The following TPM4 variants were observed in gnomAD, a reference collection of about 807,000 sequenced individuals.
TPM4 encodes tropomyosin 4, also known as tropomyosin alpha-4 chain.
Under a neutral mutation model 35.8 loss-of-function variants are expected in TPM4, and 17 were observed. The observed-to-expected ratio is 0.47, with a 90% CI of 0.32 to 0.71. TPM4 has a LOEUF of 0.71. Among genes scored for constraint, TPM4 ranks in the 30% least tolerant of loss-of-function variants. TPM4 has a pLI of 0.03. For missense variants in TPM4, 240 were observed against 320.9 expected (o/e 0.75, Z 1.93); for synonymous variants, 120 against 122.9 (o/e 0.98, Z 0.15).
chr19:16,076,985 C>T, intron 1 of TPM4: 1 of 428,356 alleles, frequency 2.3e-6, no homozygotes. Context: ...GAGCGATCTC[C>T]GGGTGGAGAA....
intron 2 of TPM4, among the ~76,000 whole-genome samples, chr19:16,083,588 T>G (rs1455026956): frequency 6.7e-6 from 1 of 150,208 alleles, no homozygotes; most frequent in Non-Finnish European, 1.5e-5. Context: ...GGGTAGATTG[T>G]GTAATTCACA....
rs745576298 is a variant in TPM4 at position 16,093,684 on chromosome 19, G to T, written c.595G>T (p.Ala199Ser). 6.2e-7 allele frequency: 1 copy of T among 1,614,182 alleles called. No homozygotes were observed. Among genetic ancestry groups the T allele is most frequent in the South Asian group, 1.1e-5 (1 of 91,082 alleles). ...IKLLSDKLKE[A>S]ETRAEFAERT... ...TAGTAACTCCTTTCTTCTTATCTAG[G>T]CTGAGACCCGTGCTGAATTTGCAGA... Residue 199 changes from alanine (A) to serine (S), a missense_variant and splice_region_variant, in exon 7 of 8, where the codon GCT becomes TCT. Ala to Ser is a moderately conservative substitution (Grantham distance 99, BLOSUM62 1). Transcript: ENST00000643579.
rs1398658647 is a variant in TPM4, at chr19:16,076,646, C to G, written c.81C>G (p.Arg27=). ...LQQQADEAED[R]AQGLQRELDG... ...AGCAGGCGGACGAGGCGGAAGACCG[C>G]GCGCAGGGCCTGCAGCGGGAGCTGG... The change falls in exon 1 of 8, where the codon CGC becomes CGG. Residue 27 remains arginine, a synonymous_variant. Coordinates refer to ENST00000643579, the MANE Select transcript of TPM4 (RefSeq NM_003290.3). 1.4e-6 allele frequency: 2 copies of G among 1,447,004 alleles called. No homozygotes were observed. Among genetic ancestry groups the G allele is most frequent in the Non-Finnish European group, 1.8e-6 (2 of 1,104,594 alleles). 89.6% of individuals were successfully genotyped at this position (1,447,004 alleles called of 1,614,324 possible).
At chr19:16,073,825 C>G (rs1568298041), upstream of TPM4, among the ~76,000 whole-genome samples, 1 of 151,610 alleles carries the variant, frequency 6.6e-6, no homozygotes, top group Non-Finnish European at 1.5e-5. Context: ...TTCACACTTT[C>G]CAGCTACTCA....
At chr19:16,086,703 T>C (rs2090558678) in intron 3 of TPM4, among the ~76,000 whole-genome samples, 163 bp downstream of exon 3, 1 of 152,136 alleles carries the variant, frequency 6.6e-6, no homozygotes, top group African/African-American at 2.4e-5. Flanking sequence ...GCTAGGAAAC[T>C]ATCTCCCACG....
At chr19:16,090,286 AT>A (rs558468300) in intron 5 of TPM4, among the ~76,000 whole-genome samples, 2,408 of 126,804 alleles carry the variant, frequency 0.019, 32 homozygotes, top group African/African-American at 0.047. Flanking sequence ...CCAAAACTGT[AT>A]TTTTTTTTTT....
intron 7 of TPM4, among the ~76,000 whole-genome samples, chr19:16,094,963 G>A (rs2090676434): frequency 6.6e-6 from 1 of 152,088 alleles, no homozygotes; most frequent in African/African-American, 2.4e-5. Flanking sequence ...TTGGAAATCC[G>A]AAATAAACTG....
chr19:16,098,630 G>C (rs981305464), intron 7 of TPM4, among the ~76,000 whole-genome samples: 9 of 151,940 alleles, frequency 5.9e-5, no homozygotes, highest in Admixed American at 1.3e-4. Flanking sequence ...AGCGAAGTCA[G>C]GATTTGTAGT....
In TPM4 at chr19:16,067,602, GT is replaced by G. The variant is rs749702767; in HGVS notation, c.-22del. 4 of 1,607,938 alleles carry G rather than the reference GT, an allele frequency of 2.5e-6. No homozygotes were observed. Among genetic ancestry groups the G allele is most frequent in the Middle Eastern group, 1.7e-4 (1 of 5,982 alleles). On this transcript the variant is annotated 5_prime_UTR_variant, in exon 2 of 3. Coordinates refer to the TPM4 transcript ENST00000589897. The surrounding 1 kb of genome is among the most constrained non-coding windows in gnomAD (Gnocchi z 4.1). ...CCACAGAGCCCGCCGCGCACCCCAC[GT>G]CCCCCACGCCAGCGCCCAGCCATGG...
At chr19:16,091,678 G>A (rs1156290194) in intron 5 of TPM4, among the ~76,000 whole-genome samples, 1 of 152,064 alleles carries the variant, frequency 6.6e-6, no homozygotes. Flanking sequence ...GGGAGGCTGA[G>A]GTGAGAGGAT....
rs181426301 is a variant in TPM4 at position 16,102,341 on chromosome 19, G to T, written c.*995G>T. On this transcript the variant is annotated 3_prime_UTR_variant, in exon 8 of 8. Transcript: ENST00000643579. ...TCGACAGAGTGAGACTCCATCTCAA[G>T]AAAAAATAAAAATAAAGTTGTTCTC... The T allele has an allele frequency of 4.2e-3, 863 of 203,082 alleles. 4 individuals are homozygous for T. Among genetic ancestry groups the T allele is most frequent in the Non-Finnish European group, 7.0e-3 (694 of 98,702 alleles). The allele number at this position is 203,082 out of a possible 1,614,324, so 12.6% of individuals were successfully genotyped here.
chr19:16,080,187 G>A (rs2090466276), intron 1 of TPM4: 1 of 199,216 alleles, frequency 5.0e-6, no homozygotes, highest in Admixed American at 6.0e-5. Flanking sequence ...GGACCTAGGG[G>A]ACAGGTTCTG....
At chr19:16,095,260 C>T in intron 7 of TPM4, 2 of 1,022,290 alleles carry the variant, frequency 2.0e-6, no homozygotes, top group Non-Finnish European at 2.4e-6. Flanking sequence ...CCTCCGCCCT[C>T]TAGATGAGTT....
At chr19:16,082,160 T>G in intron 2 of TPM4, 114 bp downstream of exon 2, 1 of 1,379,808 alleles carries the variant, frequency 7.2e-7, no homozygotes, top group Non-Finnish European at 9.7e-7. Flanking sequence ...GACATGCATG[T>G]GTCCACAAAA....
chr19:16,069,988 A>ATGTG (rs144086539), intron 2 of TPM4, among the ~76,000 whole-genome samples: 97 of 146,416 alleles, frequency 6.6e-4, no homozygotes, highest in African/African-American at 2.3e-3. Flanking sequence ...ATGGCACGGC[A>ATGTG]TGTGTGTGTG....
intron 7 of TPM4, chr19:16,100,212 A>T (rs1340651990): frequency 6.6e-6 from 1 of 152,182 alleles, no homozygotes; most frequent in African/African-American, 2.4e-5. Context: ...TTAGATGCTT[A>T]CTTAAGTGAT....
intron 5 of TPM4, 39 bp downstream of exon 5, chr19:16,089,159 C>A (rs1332148154): frequency 6.2e-7 from 1 of 1,611,392 alleles, no homozygotes; most frequent in Non-Finnish European, 8.5e-7. Flanking sequence ...GCTTGCTGGA[C>A]TTTGTTCTTT....
At chr19:16,082,170 A>G in intron 2 of TPM4, 124 bp downstream of exon 2, 2 of 1,314,810 alleles carry the variant, frequency 1.5e-6, no homozygotes, top group South Asian at 1.6e-5. Context: ...TGTCCACAAA[A>G]AAGTGCATGA....
chr19:16,070,361 A>C lies in TPM4; in HGVS notation c.114+2623A>C, dbSNP rs372509157. Reference sequence around the variant, plus strand: ...GAAGGGAGTCCCCTCCCACAGAGCCATGTTCCCCACAATGTTTATCCACAC... The same window carrying C: ...GAAGGGAGTCCCCTCCCACAGAGCCCTGTTCCCCACAATGTTTATCCACAC... On this transcript the variant is annotated intron_variant, in intron 2 of 2. Transcript: ENST00000589897. The surrounding 1 kb of genome is among the most constrained non-coding windows in gnomAD (Gnocchi z 7.4). Among the ~76,000 whole-genome samples the C allele has an allele frequency of 3.2e-3, 486 of 152,248 alleles. No individual in the cohort carries two copies. The highest frequency in any genetic ancestry group is 0.011 in the African/African-American group (465 of 41,552).
Sources: allele counts gnomAD v4.1 joint callset (sites outside exome capture counted in the v4.1 genomes callset), GRCh38; gene constraint gnomAD v4.1.1; non-coding constraint Gnocchi (gnomAD v3.1); transcripts MANE v1.5; gene names NCBI Gene and HGNC (gene_info 2026-07-23, HGNC 2026-07-21).